RANBP17: variants seen among roughly 807,000 people sequenced by gnomAD.
RANBP17 encodes RAN binding protein 17.
In RANBP17, 158 loss-of-function variants were observed where a neutral mutation model predicts 141.2. The observed-to-expected ratio is 1.12, with a 90% CI of 0.98 to 1.28. RANBP17 has a LOEUF of 1.28. Ranked by LOEUF, RANBP17 falls within the 50% of genes most tolerant of loss-of-function variation. The pLI is 0.00. For synonymous variants in RANBP17, 430 were observed against 450.0 expected, an observed-to-expected ratio of 0.96 and a Z score of 0.56; for missense variants, 1,438 against 1,290.7, an observed-to-expected ratio of 1.11 and a Z score of -1.75.
At chr5:171,043,171 T>G (rs1447808996) in intron 14 of RANBP17, among the ~76,000 whole-genome samples, 1 of 152,236 alleles carries the variant, frequency 6.6e-6, no homozygotes, top group Non-Finnish European at 1.5e-5. Flanking sequence ...GACAAATATG[T>G]AAAATGAAGT....
chr5:171,100,591 C>CT, intron 14 of RANBP17, among the ~76,000 whole-genome samples: 1 of 152,222 alleles, frequency 6.6e-6, no homozygotes, highest in South Asian at 2.1e-4. Context: ...TTTTGTGTCT[C>CT]TATCTCCTTC....
At chr5:171,120,554 C>G (rs1755959984) in intron 14 of RANBP17, among the ~76,000 whole-genome samples, 1 of 152,178 alleles carries the variant, frequency 6.6e-6, no homozygotes, top group Admixed American at 6.5e-5. Flanking sequence ...TAGCTGTAGT[C>G]TGTTCTTTTT....
At chr5:171,065,192 A>G (rs779976942) in intron 14 of RANBP17, among the ~76,000 whole-genome samples, 7 of 151,946 alleles carry the variant, frequency 4.6e-5, no homozygotes, top group Non-Finnish European at 1.0e-4. Flanking sequence ...GAATGAATCT[A>G]CTTTTACCTT....
chr5:171,044,188 T>C (rs1782428030), intron 14 of RANBP17, among the ~76,000 whole-genome samples: 1 of 152,090 alleles, frequency 6.6e-6, no homozygotes, highest in Non-Finnish European at 1.5e-5. Flanking sequence ...AGTATTAATA[T>C]ATATTACATT....
intron 25 of RANBP17, among the ~76,000 whole-genome samples, chr5:171,292,099 C>G (rs952560581): frequency 6.6e-6 from 1 of 152,128 alleles, no homozygotes; most frequent in African/African-American, 2.4e-5. Context: ...GTTAGTTTTG[C>G]TTGTCAGTTT....
chr5:170,933,017 T>C (rs1581177062), intron 12 of RANBP17, among the ~76,000 whole-genome samples: 1 of 152,250 alleles, frequency 6.6e-6, no homozygotes, highest in Non-Finnish European at 1.5e-5. Flanking sequence ...TCTGGTAGAA[T>C]TCGGCTGTGA....
intron 13 of RANBP17, among the ~76,000 whole-genome samples, chr5:170,966,176 C>T (rs1350469587): frequency 3.3e-5 from 5 of 151,890 alleles, no homozygotes; most frequent in Non-Finnish European, 7.4e-5. Flanking sequence ...AGAGGGAATC[C>T]TCCCTAACTC....
intron 10 of RANBP17, among the ~76,000 whole-genome samples, 195 bp from the exon 11 acceptor site, chr5:170,919,246 C>A (rs562807241): frequency 7.9e-5 from 12 of 151,764 alleles, no homozygotes; most frequent in Non-Finnish European, 1.3e-4. Context: ...TAATGTTACT[C>A]TGGGTGGTAA....
chr5:171,043,457 C>T (rs1323784308), intron 14 of RANBP17, among the ~76,000 whole-genome samples: 3 of 151,962 alleles, frequency 2.0e-5, no homozygotes, highest in Non-Finnish European at 4.4e-5. Flanking sequence ...CTAAGGAGTG[C>T]ATTTTGAGAA....
At chr5:171,161,475 G>C (rs1759348413) in intron 14 of RANBP17, 1 of 196,180 alleles carries the variant, frequency 5.1e-6, no homozygotes, top group African/African-American at 2.3e-5. Context: ...AGGTGAGTTG[G>C]GTTGCTGGTT....
rs371283413 is a variant in RANBP17, at chr5:171,230,131, C to T, written c.2422+8291C>T. On this transcript the variant is annotated intron_variant, in intron 22 of 27. Transcript: ENST00000523189. ...AGGAACTTAAGTCCAGCAGGGGAGT[C>T]GGACAAATCAAGAAAGAATTATGAT... Among the ~76,000 whole-genome samples, 203 of 152,134 alleles carry T rather than the reference C, an allele frequency of 1.3e-3. 9 individuals carry two copies. In the South Asian group the frequency reaches 0.039, roughly 29 times the overall value.
At chr5:170,971,551 C>T (rs1776988447) in intron 14 of RANBP17, among the ~76,000 whole-genome samples, 1 of 152,134 alleles carries the variant, frequency 6.6e-6, no homozygotes, top group South Asian at 2.1e-4. Flanking sequence ...TGGATCTTTC[C>T]ACTGGGATGT....
chr5:171,164,598 C>T (rs529748429), intron 14 of RANBP17, among the ~76,000 whole-genome samples: 6 of 152,210 alleles, frequency 3.9e-5, no homozygotes, highest in African/African-American at 1.4e-4. Flanking sequence ...AGAACCTTTG[C>T]AGTAAAATAA....
intron 13 of RANBP17, among the ~76,000 whole-genome samples, chr5:170,965,124 T>G (rs4557428): frequency 0.61 from 92,771 of 151,728 alleles, 29,741 homozygotes; most frequent in South Asian, 0.88. Context: ...ATTGTGGTTT[T>G]GATTTGCATT....
At chr5:170,932,816 T>A (rs1319639185) in intron 12 of RANBP17, among the ~76,000 whole-genome samples, 1 of 152,180 alleles carries the variant, frequency 6.6e-6, no homozygotes, top group Non-Finnish European at 1.5e-5. Context: ...TTTGCCAGTA[T>A]TTTATTGAGG....
intron 19 of RANBP17, 32 bp downstream of exon 19, chr5:171,199,805 GT>G (rs1762198199): frequency 7.1e-7 from 1 of 1,410,004 alleles, no homozygotes; most frequent in South Asian, 1.2e-5. Flanking sequence ...AGGAATGACA[GT>G]TTTGTTTTTT....
chr5:171,119,945 G>A (rs762549636), intron 14 of RANBP17, among the ~76,000 whole-genome samples: 17 of 151,634 alleles, frequency 1.1e-4, no homozygotes, highest in Non-Finnish European at 2.1e-4. Flanking sequence ...AGGCTGAGAC[G>A]GGAATTGCTT....
At chr5:171,255,519 C>A (rs1174836952) in intron 24 of RANBP17, among the ~76,000 whole-genome samples, 3 of 151,594 alleles carry the variant, frequency 2.0e-5, no homozygotes, top group African/African-American at 7.3e-5. Context: ...TAGTCACATA[C>A]CTTGTTCACA....
chr5:171,266,841 A>G (rs1353586796), intron 25 of RANBP17, among the ~76,000 whole-genome samples: 1 of 151,766 alleles, frequency 6.6e-6, no homozygotes, highest in Non-Finnish European at 1.5e-5. Context: ...GAACCTGGGG[A>G]GGCAGAGGTT....
Sources: allele counts gnomAD v4.1 joint callset (sites outside exome capture counted in the v4.1 genomes callset), GRCh38; gene constraint gnomAD v4.1.1; transcripts MANE v1.5; gene names NCBI Gene and HGNC (gene_info 2026-07-23, HGNC 2026-07-21).